The following POMGNT1 variants were observed in gnomAD, a reference collection of about 807,000 sequenced individuals.
The protein encoded by POMGNT1 is protein O-linked mannose N-acetylglucosaminyltransferase 1 (beta 1,2-).
In POMGNT1, 67 loss-of-function variants were observed where a neutral mutation model predicts 95.6. The ratio of observed to expected loss-of-function variants is 0.70; its 90% CI spans 0.58 to 0.86. The LOEUF (loss-of-function observed/expected upper bound fraction) is 0.86. Ranked by LOEUF, POMGNT1 falls within the 40% of genes least tolerant of loss-of-function variation. The pLI is 0.00. For missense variants in POMGNT1, 719 were observed against 855.2 expected, an observed-to-expected ratio of 0.84 and a Z score of 1.99; for synonymous variants, 298 against 317.9, an observed-to-expected ratio of 0.94 and a Z score of 0.66.
chr1:46,197,999 G>C (rs1325720861), intron 1 of POMGNT1, 128 bp from the exon 2 acceptor site: 3 of 904,310 alleles, frequency 3.3e-6, no homozygotes, highest in East Asian at 5.3e-5. Context: ...CATGGGGAAA[G>C]TGGCTCAACT....
chr1:46,214,433 C>G (rs923470979), intron 1 of POMGNT1, among the ~76,000 whole-genome samples: 3 of 151,890 alleles, frequency 2.0e-5, no homozygotes, highest in African/African-American at 7.3e-5. Context: ...AATCATTAAG[C>G]ATATCCTTAA....
At position 46,192,170 on chromosome 1, in the gene POMGNT1, C is replaced by T. The variant is rs760759400; in HGVS notation, c.1467G>A (p.Glu489=). 6.2e-6 allele frequency: 10 copies of T among 1,614,050 alleles called. No homozygotes were observed. The African/African-American group carries it at 6.7e-5, about 11-fold the overall frequency. The change falls in exon 17 of 22, where the codon GAG becomes GAA. Residue 489 remains glutamate, a synonymous_variant. Transcript: ENST00000371984. ...MRMPEQRRGR[E]CIIPDVSRSY... ...ATCGGGAAACGTCAGGGATGATGCACTCTCGGCCCCGGCGTTGTTCAGGCA... is the reference window on the plus strand; with the variant it reads ...ATCGGGAAACGTCAGGGATGATGCATTCTCGGCCCCGGCGTTGTTCAGGCA...
At position 46,194,875 on chromosome 1, in the gene POMGNT1, C is replaced by T. The variant is rs763146463; in HGVS notation, c.621G>A (p.Arg207=). ...GSQAGPALGW[R]DTWAFVGRKG... is the part of the protein sequence containing the mutation. ...TTCGTCCCACGAAGGCCCATGTGTC[C>T]CTCCAGCCCAGGGCAGGGCCAGCCT... Residue 207 remains arginine, a synonymous_variant, in exon 7 of 22, where the codon AGG becomes AGA. Transcript: ENST00000371984. 5 of 1,614,166 alleles carry T rather than the reference C, an allele frequency of 3.1e-6. No individual in the cohort carries two copies. In the South Asian group the frequency reaches 5.5e-5, roughly 18 times the overall value.
upstream of POMGNT1, among the ~76,000 whole-genome samples, chr1:46,202,564 G>A (rs1402430588): frequency 1.7e-4 from 26 of 151,700 alleles, no homozygotes; most frequent in Non-Finnish European, 3.7e-4. Flanking sequence ...GCATGGTGGC[G>A]CATGCCTGTA....
chr1:46,194,644 G>A lies in POMGNT1; in HGVS notation c.660C>T (p.Val220=), dbSNP rs2148202862. The A allele has an allele frequency of 6.2e-7, 1 of 1,614,256 alleles. No homozygotes were observed. Among genetic ancestry groups the A allele is most frequent in the Admixed American group, 1.7e-5 (1 of 60,038 alleles). The change falls in exon 8 of 22, where the codon GTC becomes GTT. Residue 220 remains valine (V), a synonymous_variant. Transcript: ENST00000371984. ...WAFVGRKGGP[V]FGEKHSKSPA... The stretch of plus-strand genomic sequence containing the variant: ...GTGATTTAGAATGTTTCTCCCCGAA[G>A]ACAGGACCTGGCAGGAGGCAGGAAT...
At chr1:46,206,938 G>A (rs1658735252) in intron 1 of POMGNT1, among the ~76,000 whole-genome samples, 2 of 152,200 alleles carry the variant, frequency 1.3e-5, no homozygotes, top group African/African-American at 4.8e-5. Context: ...TAGAACCCAG[G>A]AAGGGCCTCC....
Position 46,214,867 on chromosome 1 carries a change from C to CAAAA in POMGNT1, c.-51+4834_-51+4837dup, listed in dbSNP as rs5773905. The stretch of plus-strand genomic sequence containing the variant: ...GGGGGACAAGAGTGAGACTCCATCT[C>CAAAA]AAAAAAAAAAAAAAAAAAAAGAGGA... On this transcript the variant is annotated intron_variant, in intron 1 of 22. Coordinates refer to the POMGNT1 transcript ENST00000371992. Among the ~76,000 whole-genome samples the CAAAA allele has an allele frequency of 1.5e-4, 13 of 89,400 alleles. 1 individual carries two copies. The highest frequency in any genetic ancestry group is 6.5e-4 in the East Asian group (2 of 3,062). 58.6% of individuals were successfully genotyped at this position (89,400 alleles called of 152,430 possible).
chr1:46,211,079 C>G (rs576844418), intron 1 of POMGNT1, among the ~76,000 whole-genome samples: 6 of 152,048 alleles, frequency 3.9e-5, no homozygotes, highest in African/African-American at 1.4e-4. Context: ...TGTGCCTGGT[C>G]CTTTGGGCCT....
chr1:46,202,845 G>A (rs938133470), upstream of POMGNT1, among the ~76,000 whole-genome samples: 1 of 132,724 alleles, frequency 7.5e-6, no homozygotes, highest in Admixed American at 9.1e-5. Flanking sequence ...GCCCAACGTG[G>A]ACCTCTTCAG....
In POMGNT1 at chr1:46,190,753, G is replaced by C. The variant is rs769180238; in HGVS notation, c.1571C>G (p.Thr524Arg). The change falls in exon 18 of 22, where the codon ACG becomes AGG. Residue 524 changes from threonine (T) to arginine (R), a missense_variant. Transcript: ENST00000371984. ...ATTCCTGAGCTGGACACCTGGAACC[G>C]TGTTGAACTTGTGCTTCTTGAAGTA... is the stretch of plus-strand genomic sequence containing the variant. The part of the protein sequence containing the change: ...EAYFKKHKFN[T>R]VPGVQLRNVD... 1.2e-6 allele frequency: 2 copies of C among 1,613,872 alleles called. No individual in the cohort carries two copies. The highest frequency in any genetic ancestry group is 1.7e-6 in the Non-Finnish European group (2 of 1,179,818).
intron 1 of POMGNT1, among the ~76,000 whole-genome samples, chr1:46,206,634 A>G (rs1658726166): frequency 6.6e-6 from 1 of 152,196 alleles, no homozygotes; most frequent in Non-Finnish European, 1.5e-5. Flanking sequence ...GCTTTCTTCT[A>G]TTCTGGGAGT....
At position 46,193,631 on chromosome 1, in the gene POMGNT1, C is replaced by T. The variant is rs368653589; in HGVS notation, c.959G>A (p.Arg320His). ...NRPNYLYRMLRSLLSAQGVSP... is the reference protein window; with the variant it reads ...NRPNYLYRMLHSLLSAQGVSP... ...CACCCCCTGGGCTGAAAGCAGAGAGCGCAGCATCCTGGGGAGCCCAGGGAT... is the reference window on the plus strand; with the variant it reads ...CACCCCCTGGGCTGAAAGCAGAGAGTGCAGCATCCTGGGGAGCCCAGGGAT... Residue 320 changes from arginine to histidine, a missense_variant, in exon 11 of 22, where the codon CGC (arginine) becomes CAC (histidine). Around this residue, in one of 5 missense-constraint regions of POMGNT1, gnomAD observed 466 missense variants for 517.4 expected, o/e 0.90. Transcript: ENST00000371984. 13 of 1,614,196 alleles carry T rather than the reference C, an allele frequency of 8.1e-6. 1 individual carries two copies. The East Asian group carries it at 8.9e-5, about 11-fold the overall frequency.
At position 46,203,774 on chromosome 1, in the gene POMGNT1, C is replaced by G. The variant is rs888752949; in HGVS notation, c.-50-5903G>C. On this transcript the variant is annotated intron_variant, in intron 1 of 22. Transcript: ENST00000371992. ...TCCCTCCCAGATCAATCCGTAAACG[C>G]TGGGGTGGAGATGGAGTGACGTCCA... The G allele has an allele frequency of 5.5e-6, 4 of 727,810 alleles. No homozygotes were observed. In the Admixed American group the frequency reaches 1.0e-4, roughly 19 times the overall value. The allele number at this position is 727,810 out of a possible 1,614,324, so 45.1% of individuals were successfully genotyped here.
Position 46,197,736 on chromosome 1 carries a change from A to G in POMGNT1, c.86T>C (p.Leu29Pro), listed in dbSNP as rs1196678962. The change falls in exon 2 of 22, where the codon CTG (leucine) becomes CCG (proline). Residue 29 changes from leucine (L) to proline (P), a missense_variant. By Grantham distance (98) the Leu-to-Pro change is moderately conservative. This residue lies in a region of POMGNT1 where 466 missense variants were observed against 517.4 expected (regional missense o/e 0.90). Coordinates refer to ENST00000371984, the MANE Select transcript of POMGNT1 (RefSeq NM_017739.4). ...TCTCCGCAGGGCCCGCTGGTTTGTC[A>G]GTTTATACTTCCAGGTAAGGTACCA... ...RSWYLTWKYK[L>P]TNQRALRRFC... is the part of the protein sequence containing the mutation. 6.2e-7 allele frequency: 1 copy of G among 1,614,088 alleles called. No homozygotes were observed. Among genetic ancestry groups the G allele is most frequent in the Non-Finnish European group, 8.5e-7 (1 of 1,179,998 alleles).
rs544063149 is a variant in POMGNT1, at chr1:46,210,377, G to C, written c.-51+9328C>G. On this transcript the variant is annotated intron_variant, in intron 1 of 22. Transcript: ENST00000371992. ...CTTCCCACCAGCAAGCAAGCAATCA[G>C]TTCTGCAGCAGATACCAGCTGGGTG... Among the ~76,000 whole-genome samples the C allele has an allele frequency of 3.9e-5, 6 of 152,026 alleles. No homozygotes were observed. In the East Asian group the frequency reaches 1.2e-3, roughly 29 times the overall value.
intron 19 of POMGNT1, 83 bp from the exon 20 acceptor site, chr1:46,190,072 G>A: frequency 6.9e-7 from 1 of 1,458,518 alleles, no homozygotes; most frequent in Non-Finnish European, 9.4e-7. Flanking sequence ...TTGGTTGAAT[G>A]CTCTGCTGTT....
rs547052614 is a variant in POMGNT1 at position 46,213,584 on chromosome 1, C to T, written c.-51+6121G>A. On this transcript the variant is annotated intron_variant, in intron 1 of 22. Transcript: ENST00000371992. ...TAAAAATACACTAAATACGGCCAGG[C>T]ACAATGGCTTACGCCTGTAATCACA... Among the ~76,000 whole-genome samples the T allele has an allele frequency of 2.1e-3, 314 of 152,082 alleles. 3 individuals carry two copies. Among genetic ancestry groups the T allele is most frequent in the African/African-American group, 7.3e-3 (302 of 41,520 alleles).
At chr1:46,208,151 C>A (rs934450687) in intron 1 of POMGNT1, among the ~76,000 whole-genome samples, 4 of 152,038 alleles carry the variant, frequency 2.6e-5, no homozygotes, top group Non-Finnish European at 5.9e-5. Context: ...TGAGCCACCC[C>A]ACCAGCCTTA....
intron 1 of POMGNT1, among the ~76,000 whole-genome samples, chr1:46,214,878 A>AAG (rs775967266): frequency 1.4e-5 from 2 of 141,620 alleles, no homozygotes; most frequent in Admixed American, 6.9e-5. Flanking sequence ...AAAAAAAAAA[A>AAG]AAAAAAAAAG....
Sources: gnomAD v4.1 joint callset for allele counts (sites outside exome capture counted in the v4.1 genomes callset) on GRCh38, gnomAD v4.1.1 for gene constraint, gnomAD v4.1.1 regional missense constraint, MANE v1.5 for transcripts, NCBI Gene and HGNC (gene_info 2026-07-23, HGNC 2026-07-21) for gene names.